LRRIQ1: variants seen among roughly 807,000 people sequenced by gnomAD.
LRRIQ1 encodes leucine-rich repeat- and IQ domain-containing protein 1.
A neutral mutation model predicts 211.9 loss-of-function variants in LRRIQ1; 210 were observed. The observed-to-expected ratio is 0.99, with a 90% CI of 0.89 to 1.11. The LOEUF is 1.11. Among genes scored for constraint, LRRIQ1 ranks in the 50% most tolerant of loss-of-function variants. LRRIQ1 has a pLI of 0.00. For synonymous variants in LRRIQ1, 699 were observed against 650.1 expected (o/e 1.08, Z -1.14); for missense variants, 2,136 against 1,939.5 (o/e 1.10, Z -1.90).
chr12:85,250,897 A>ATATATTATATAT (rs1895908762), intron 1 of LRRIQ1, among the ~76,000 whole-genome samples: 1 of 96,294 alleles, frequency 1.0e-5, no homozygotes, highest in African/African-American at 5.0e-5. Context: ...AATATATTTT[A>ATATATTATATAT]TATATTATAT....
intron 1 of LRRIQ1, among the ~76,000 whole-genome samples, chr12:85,252,096 T>A (rs1456560597): frequency 3.9e-5 from 6 of 151,918 alleles, no homozygotes; most frequent in Non-Finnish European, 7.4e-5. Context: ...ATCAGAAGAC[T>A]ACATTATATG....
At chr12:85,241,187 A>T (rs184241156) in intron 26 of LRRIQ1, among the ~76,000 whole-genome samples, 164 of 152,002 alleles carry the variant, frequency 1.1e-3, no homozygotes, top group African/African-American at 3.8e-3. Context: ...GTGCATAGGG[A>T]ACTCATTGCT....
intron 6 of LRRIQ1, chr12:85,048,123 CTCTA>C (rs1161499655): frequency 6.6e-6 from 1 of 152,250 alleles, no homozygotes; most frequent in Non-Finnish European, 1.5e-5. Context: ...TGACTGACTT[CTCTA>C]TCTTTCATGA....
chr12:85,267,413 A>T (rs1896446375), downstream of LRRIQ1, among the ~76,000 whole-genome samples: 1 of 151,380 alleles, frequency 6.6e-6, no homozygotes, highest in South Asian at 2.1e-4. Flanking sequence ...AGAAACAAAG[A>T]TGCATAAAAT....
At chr12:85,238,336 AT>A (rs1895289827) in intron 26 of LRRIQ1, among the ~76,000 whole-genome samples, 1 of 152,228 alleles carries the variant, frequency 6.6e-6, no homozygotes, top group East Asian at 1.9e-4. Flanking sequence ...ATGAAAAAAT[AT>A]GTGAAAACTA....
intron 19 of LRRIQ1, among the ~76,000 whole-genome samples, chr12:85,140,456 C>T (rs1565863909): frequency 6.6e-6 from 1 of 151,270 alleles, no homozygotes; most frequent in African/African-American, 2.4e-5. Flanking sequence ...TCTTCAACCA[C>T]TTTGCTGAAA....
intron 15 of LRRIQ1, among the ~76,000 whole-genome samples, chr12:85,112,183 A>G (rs1236558503): frequency 6.6e-6 from 1 of 151,978 alleles, no homozygotes; most frequent in African/African-American, 2.4e-5. Flanking sequence ...CTTGGATAGG[A>G]CATTCTTCAA....
At chr12:85,209,879 G>T (rs542612898) in intron 24 of LRRIQ1, among the ~76,000 whole-genome samples, 1 of 152,116 alleles carries the variant, frequency 6.6e-6, no homozygotes, top group South Asian at 2.1e-4. Flanking sequence ...AGACTCATGA[G>T]AATTTGAACT....
chr12:85,194,643 A>G (rs1393376905), intron 24 of LRRIQ1, among the ~76,000 whole-genome samples: 1 of 152,138 alleles, frequency 6.6e-6, no homozygotes, highest in Non-Finnish European at 1.5e-5. Flanking sequence ...AAGACACAAC[A>G]TACCAGAATC....
rs1881762254 is a variant in LRRIQ1, at chr12:85,061,240, T to C, written c.2392-4022T>C. Among the ~76,000 whole-genome samples, 3 of 151,758 alleles carry C rather than the reference T, an allele frequency of 2.0e-5. No homozygotes were observed. In the South Asian group the frequency reaches 6.2e-4, roughly 31 times the overall value. ...TGAACACATACGATTACTAATTCTA[T>C]ATTGACCTTAATTTCGAAGCATAAA... On this transcript the variant is annotated intron_variant, in intron 8 of 26. Coordinates refer to ENST00000393217, the MANE Select transcript of LRRIQ1 (RefSeq NM_001079910.2).
At chr12:85,217,278 T>C (rs1458594788) in intron 24 of LRRIQ1, among the ~76,000 whole-genome samples, 1 of 150,982 alleles carries the variant, frequency 6.6e-6, no homozygotes, top group Non-Finnish European at 1.5e-5. Flanking sequence ...GTATGTTTTA[T>C]TGAGTTTTTC....
intron 24 of LRRIQ1, among the ~76,000 whole-genome samples, chr12:85,224,083 A>C (rs146918781): frequency 6.6e-6 from 1 of 152,210 alleles, no homozygotes; most frequent in Non-Finnish European, 1.5e-5. Context: ...ACTATTAGAT[A>C]TTTTATTCTT....
At chr12:85,037,920 A>G (rs1486680008) in intron 1 of LRRIQ1, among the ~76,000 whole-genome samples, 1 of 151,942 alleles carries the variant, frequency 6.6e-6, no homozygotes, top group Non-Finnish European at 1.5e-5. Flanking sequence ...GTAAAATTAT[A>G]TAAACATATA....
intron 19 of LRRIQ1, among the ~76,000 whole-genome samples, chr12:85,147,454 G>A (rs573222455): frequency 6.6e-6 from 1 of 151,900 alleles, no homozygotes; most frequent in South Asian, 2.1e-4. Context: ...CACAGACAGG[G>A]CTATAGGCAG....
At chr12:85,157,310 G>T (rs1236271051) in intron 23 of LRRIQ1, among the ~76,000 whole-genome samples, 1 of 151,740 alleles carries the variant, frequency 6.6e-6, no homozygotes, top group Non-Finnish European at 1.5e-5. Context: ...AGGAAGAGGA[G>T]GAATTGATTG....
chr12:85,041,133 A>T (rs997754305), intron 3 of LRRIQ1, among the ~76,000 whole-genome samples: 3 of 151,732 alleles, frequency 2.0e-5, no homozygotes, highest in African/African-American at 7.2e-5. Context: ...ACCTATTTTT[A>T]AAAATGACAG....
chr12:85,192,072 T>G (rs982222251), intron 24 of LRRIQ1, among the ~76,000 whole-genome samples: 2 of 151,822 alleles, frequency 1.3e-5, no homozygotes, highest in Non-Finnish European at 2.9e-5. Flanking sequence ...GGGGGTTGTT[T>G]ACAGATTATT....
chr12:85,052,047 A>G, intron 6 of LRRIQ1, 130 bp from the exon 7 acceptor site: 1 of 504,316 alleles, frequency 2.0e-6, no homozygotes. Context: ...AGTACTAAAA[A>G]TTGAAAGCCA....
chr12:85,063,055 T>C (rs921755994), intron 8 of LRRIQ1, among the ~76,000 whole-genome samples: 2 of 151,856 alleles, frequency 1.3e-5, no homozygotes, highest in Non-Finnish European at 2.9e-5. Context: ...GGTTATTTGC[T>C]TTTTACTTGC....
Sources: gnomAD v4.1 joint callset for allele counts (sites outside exome capture counted in the v4.1 genomes callset) on GRCh38, gnomAD v4.1.1 for gene constraint, MANE v1.5 for transcripts, NCBI Gene and HGNC (gene_info 2026-07-23, HGNC 2026-07-21) for gene names.